Variants in ZSWIM4 observed in about 807,000 individuals in gnomAD.
The protein encoded by ZSWIM4 is zinc finger SWIM domain-containing protein 4.
ZSWIM4 carries 62 observed loss-of-function variants against 102.5 expected under a neutral mutation model. That is an observed-to-expected ratio of 0.60 (90% CI 0.49 to 0.75). ZSWIM4 has a LOEUF of 0.75. ZSWIM4 is among the 30% of genes least tolerant of loss of function. The probability of loss-of-function intolerance (pLI) is 0.00; values close to 1 mark genes in which losing one functional copy is unlikely to be tolerated. For missense variants in ZSWIM4, 1,280 were observed against 1,529.6 expected, an observed-to-expected ratio of 0.84 and a Z score of 2.72; for synonymous variants, 652 against 674.5, an observed-to-expected ratio of 0.97 and a Z score of 0.52.
chr19:13,812,611 A>G (rs1295786558), intron 5 of ZSWIM4, among the ~76,000 whole-genome samples: 2 of 149,140 alleles, frequency 1.3e-5, no homozygotes, highest in East Asian at 3.9e-4. Context: ...AGGCACCCAC[A>G]ATCATGCCTG....
intron 11 of ZSWIM4, among the ~76,000 whole-genome samples, chr19:13,824,701 C>A (rs922567135): frequency 4.0e-5 from 6 of 151,596 alleles, no homozygotes; most frequent in Middle Eastern, 3.2e-3. Context: ...CGTTGCACTC[C>A]AGCCTGGACA....
chr19:13,798,012 C>T (rs1340092491), intron 1 of ZSWIM4, among the ~76,000 whole-genome samples: 1 of 152,240 alleles, frequency 6.6e-6, no homozygotes, highest in Admixed American at 6.5e-5. Flanking sequence ...GCATTCAAAG[C>T]TCTCCTGGGC....
chr19:13,829,902 G>A (rs1489787695), intron 13 of ZSWIM4, among the ~76,000 whole-genome samples: 3 of 152,174 alleles, frequency 2.0e-5, no homozygotes, highest in African/African-American at 4.8e-5. Context: ...GGGCTTGGCC[G>A]GGAGGGAATG....
rs1245337728 is a variant in ZSWIM4 at position 13,795,731 on chromosome 19, G to A, written c.83G>A (p.Gly28Asp). 4.1e-6 allele frequency: 5 copies of A among 1,219,812 alleles called. No homozygotes were observed. Among genetic ancestry groups the A allele is most frequent in the African/African-American group, 3.1e-5 (2 of 63,962 alleles). The allele number at this position is 1,219,812 out of a possible 1,614,324, so 75.6% of individuals were successfully genotyped here. Residue 28 changes from glycine to aspartate, a missense_variant, in exon 1 of 14, where the codon GGC becomes GAC. Coordinates refer to ENST00000590508, the MANE Select transcript of ZSWIM4 (RefSeq NM_001367834.3). ...GATGCCGGGGCCGGGGCCGCGCGTGGCCGGGGCCGGCCCGAGGCGCTGCTG... is the reference window on the plus strand; with the variant it reads ...GATGCCGGGGCCGGGGCCGCGCGTGACCGGGGCCGGCCCGAGGCGCTGCTG... Reference protein sequence around the residue: ...ERDAGAGAARGRGRPEALLDL... With the variant: ...ERDAGAGAARDRGRPEALLDL...
chr19:13,817,577 C>T (rs762073610), intron 8 of ZSWIM4, 145 bp from the exon 9 acceptor site: 18 of 1,144,728 alleles, frequency 1.6e-5, no homozygotes, highest in Non-Finnish European at 2.2e-5. Context: ...GGCTCCCGCG[C>T]TCCCCCAACC....
chr19:13,831,145 T>A lies in ZSWIM4; in HGVS notation c.*95T>A. 1 of 1,470,532 alleles carries A rather than the reference T, an allele frequency of 6.8e-7. No homozygotes were observed. Among genetic ancestry groups the A allele is most frequent in the Non-Finnish European group, 9.0e-7 (1 of 1,109,142 alleles). 91.1% of individuals were successfully genotyped at this position (1,470,532 alleles called of 1,614,324 possible). A position where few individuals can be genotyped will look rare whatever the true frequency, so the allele number is the denominator to read the frequency against. The stretch of plus-strand genomic sequence containing the variant: ...GGCCCACGTGGCATTTCAGTATTAT[T>A]AAGTCAGGGAAGGAGCCCGGCTGGA... On this transcript the variant is annotated 3_prime_UTR_variant, in exon 14 of 14. Transcript: ENST00000590508.
chr19:13,799,829 C>T lies in ZSWIM4; in HGVS notation c.263C>T (p.Pro88Leu), dbSNP rs1171102347. ...EICMYSSLGYPPPEGEHDARV... is the reference protein window; with the variant it reads ...EICMYSSLGYLPPEGEHDARV... ...TGTATGTACTCGTCGCTGGGTTACC[C>T]GCCCCCAGAGGGCGAGCACGATGCC... Residue 88 changes from proline to leucine, a missense_variant, in exon 2 of 14, where the codon CCG becomes CTG. Coordinates refer to ENST00000590508, the MANE Select transcript of ZSWIM4 (RefSeq NM_001367834.3). 3.1e-6 allele frequency: 5 copies of T among 1,613,830 alleles called. No individual in the cohort carries two copies. In the South Asian group the frequency reaches 5.5e-5, roughly 18 times the overall value.
intron 1 of ZSWIM4, among the ~76,000 whole-genome samples, chr19:13,796,100 C>A (rs927949685): frequency 6.6e-6 from 1 of 151,466 alleles, no homozygotes; most frequent in African/African-American, 2.4e-5. Context: ...TGAGATCTGG[C>A]CCCCATGGCC....
intron 2 of ZSWIM4, among the ~76,000 whole-genome samples, chr19:13,803,653 AG>A (rs1417379853): frequency 6.6e-6 from 1 of 150,986 alleles, no homozygotes; most frequent in African/African-American, 2.4e-5. Context: ...AAAATACAAA[AG>A]ATTAGCCGGG....
chr19:13,808,991 T>C lies in ZSWIM4; in HGVS notation c.861+7T>C, dbSNP rs1339951083. The C allele has an allele frequency of 1.2e-6, 2 of 1,610,878 alleles. No homozygotes were observed. Among genetic ancestry groups the C allele is most frequent in the South Asian group, 2.2e-5 (2 of 90,892 alleles). ...GCGCTCCATGTTCAGCAAGGTGCCGTGCGGGCCGGCGGGGCGCGGGGTGCA... is the reference window on the plus strand; with the variant it reads ...GCGCTCCATGTTCAGCAAGGTGCCGCGCGGGCCGGCGGGGCGCGGGGTGCA... On this transcript the variant is annotated splice_region_variant and intron_variant, in intron 4 of 13. Transcript: ENST00000590508.
intron 13 of ZSWIM4, among the ~76,000 whole-genome samples, 169 bp from the exon 14 acceptor site, chr19:13,830,022 C>T (rs1162504429): frequency 6.6e-6 from 1 of 152,130 alleles, no homozygotes; most frequent in Non-Finnish European, 1.5e-5. Context: ...CTTCTACACA[C>T]GTGATTCCCA....
At chr19:13,806,018 G>A (rs538787818) in intron 3 of ZSWIM4, among the ~76,000 whole-genome samples, 1 of 150,420 alleles carries the variant, frequency 6.6e-6, no homozygotes, top group South Asian at 2.1e-4. Context: ...GCAACTGATG[G>A]TGTGGAAAAA....
chr19:13,813,189 G>GC (rs1187336545), intron 6 of ZSWIM4, 25 bp downstream of exon 6: 2 of 1,580,840 alleles, frequency 1.3e-6, no homozygotes, highest in Non-Finnish European at 1.7e-6. Flanking sequence ...TCTTTACCAT[G>GC]CCCCCCAAAA....
chr19:13,824,979 G>A (rs1975566817), intron 11 of ZSWIM4, among the ~76,000 whole-genome samples: 1 of 151,768 alleles, frequency 6.6e-6, no homozygotes, highest in Admixed American at 6.6e-5. Flanking sequence ...TGGCATTCTG[G>A]GTGTGCAACC....
Position 13,817,853 on chromosome 19 carries a change from G to A in ZSWIM4, c.1801G>A (p.Gly601Arg). ...GLGQQRALPE[G>R]LYAQDKVVRN... ...GGGGCAGCAGCGGGCCCTGCCGGAG[G>A]GGCTGTACGCCCAGGACAAGGTGGT... Residue 601 changes from glycine to arginine, a missense_variant, in exon 9 of 14, where the codon GGG becomes AGG. By Grantham distance (125) the Gly-to-Arg change is moderately radical. Coordinates refer to ENST00000590508, the MANE Select transcript of ZSWIM4 (RefSeq NM_001367834.3). 1.3e-6 allele frequency: 2 copies of A among 1,559,810 alleles called. No individual in the cohort carries two copies. The highest frequency in any genetic ancestry group is 8.7e-7 in the Non-Finnish European group (1 of 1,151,740).
At chr19:13,823,989 C>T (rs1167600196) in intron 11 of ZSWIM4, among the ~76,000 whole-genome samples, 1 of 151,620 alleles carries the variant, frequency 6.6e-6, no homozygotes, top group Non-Finnish European at 1.5e-5. Flanking sequence ...TTACAGACGG[C>T]CACCTTCTTG....
At chr19:13,812,885 G>A (rs1187129858) in intron 5 of ZSWIM4, 112 bp from the exon 6 acceptor site, 2 of 1,214,112 alleles carry the variant, frequency 1.6e-6, no homozygotes, top group South Asian at 1.5e-5. Context: ...CAACTTCCGA[G>A]GGTCGAGGTG....
rs1975756594 is a variant in ZSWIM4, at chr19:13,831,089, C to G, written c.*39C>G. The G allele has an allele frequency of 6.6e-7, 1 of 1,519,370 alleles. No homozygotes were observed. The highest frequency in any genetic ancestry group is 8.8e-7 in the Non-Finnish European group (1 of 1,140,424). The allele number at this position is 1,519,370 out of a possible 1,614,324, so 94.1% of individuals were successfully genotyped here. On this transcript the variant is annotated 3_prime_UTR_variant, in exon 14 of 14. Coordinates refer to ENST00000590508, the MANE Select transcript of ZSWIM4 (RefSeq NM_001367834.3). ...GCGTGGGAGTGGGGATCCCCCTCGCCCCTGCGTCCCCCACCCTTGCTCTCC... is the reference window on the plus strand; with the variant it reads ...GCGTGGGAGTGGGGATCCCCCTCGCGCCTGCGTCCCCCACCCTTGCTCTCC...
chr19:13,810,526 C>T (rs1428938889), intron 5 of ZSWIM4, among the ~76,000 whole-genome samples: 4 of 142,544 alleles, frequency 2.8e-5, no homozygotes, highest in Non-Finnish European at 4.6e-5. Context: ...CTCCTGTCTT[C>T]GTGATCCACC....
Sources: gnomAD v4.1 joint callset for allele counts (sites outside exome capture counted in the v4.1 genomes callset) on GRCh38, gnomAD v4.1.1 for gene constraint, MANE v1.5 for transcripts, NCBI Gene and HGNC (gene_info 2026-07-23, HGNC 2026-07-21) for gene names.